The following ZNF138 variants were observed in gnomAD, a reference collection of about 807,000 sequenced individuals.
ZNF138 encodes the protein zinc finger protein 138.
ZNF138 carries 33 observed loss-of-function variants against 33.0 expected under a neutral mutation model. The ratio of observed to expected loss-of-function variants is 1.00; its 90% CI spans 0.76 to 1.34. ZNF138 has a LOEUF of 1.34. Ranked by LOEUF, ZNF138 falls within the 40% of genes most tolerant of loss-of-function variation. ZNF138 has a pLI of 0.00. For missense variants in ZNF138, 360 were observed against 370.8 expected, an observed-to-expected ratio of 0.97 and a Z score of 0.24; for synonymous variants, 139 against 120.4, an observed-to-expected ratio of 1.15 and a Z score of -1.01.
At chr7:64,812,761 C>T (rs1023010395) in intron 1 of ZNF138, among the ~76,000 whole-genome samples, 3 of 151,246 alleles carry the variant, frequency 2.0e-5, no homozygotes, top group Non-Finnish European at 4.4e-5. Context: ...CCTTTAAAGG[C>T]ATAAACTGAA....
At chr7:64,827,488 T>C (rs1443736090) in intron 3 of ZNF138, among the ~76,000 whole-genome samples, 2 of 151,110 alleles carry the variant, frequency 1.3e-5, no homozygotes. Flanking sequence ...TCGTGATCCA[T>C]CCGCCTCGGC....
rs4483043 is a variant in ZNF138, at chr7:64,830,955, T to G, written c.209-496T>G. On this transcript the variant is annotated intron_variant, in intron 3 of 3. Transcript: ENST00000307355. ...CTCTTTGCAGCTGTAGCATTTACCTTTGATCTCAGTGGACTCAACATTTTG... is the reference window on the plus strand; with the variant it reads ...CTCTTTGCAGCTGTAGCATTTACCTGTGATCTCAGTGGACTCAACATTTTG... 4,259 of 1,551,474 alleles carry G rather than the reference T, an allele frequency of 2.7e-3. 68 individuals are homozygous for G. In the African/African-American group the frequency reaches 0.038, roughly 14 times the overall value.
chr7:64,795,295 C>A (rs990428642), intron 1 of ZNF138, among the ~76,000 whole-genome samples: 6 of 152,128 alleles, frequency 3.9e-5, no homozygotes, highest in African/African-American at 1.2e-4. Flanking sequence ...CTGGAGCGAC[C>A]TCAGTCTAAT....
At chr7:64,837,834 C>A (rs1223816397), downstream of ZNF138, among the ~76,000 whole-genome samples, 1 of 152,050 alleles carries the variant, frequency 6.6e-6, no homozygotes, top group Non-Finnish European at 1.5e-5. Context: ...CAGGCTTTAA[C>A]CTAACCTGAG....
At chr7:64,838,735 G>A in the ZNF138 span, among the ~76,000 whole-genome samples, 1 of 152,168 alleles carries the variant, frequency 6.6e-6, no homozygotes, top group Non-Finnish European at 1.5e-5. Flanking sequence ...GACTGGTATG[G>A]CACTACAGGG....
At chr7:64,837,108 A>G (rs1265545527), downstream of ZNF138, among the ~76,000 whole-genome samples, 2 of 152,164 alleles carry the variant, frequency 1.3e-5, no homozygotes, top group South Asian at 2.1e-4. Context: ...AGCCTGTCAC[A>G]TGGAGAATTC....
the ZNF138 span, among the ~76,000 whole-genome samples, chr7:64,843,984 C>G: frequency 6.6e-6 from 1 of 152,192 alleles, no homozygotes; most frequent in East Asian, 1.9e-4. Flanking sequence ...CCACCATGCC[C>G]AGCTAATTTT....
chr7:64,830,909 C>T lies in ZNF138; in HGVS notation c.209-542C>T, dbSNP rs1386878954. On this transcript the variant is annotated intron_variant, in intron 3 of 3. Transcript: ENST00000307355. The stretch of plus-strand genomic sequence containing the variant: ...GTTTCATCTTAATAGTCAGTAGTCA[C>T]TTGCTACAACTGTTCCCTGTCTCTT... The T allele has an allele frequency of 5.2e-6, 8 of 1,533,056 alleles. No homozygotes were observed. In the East Asian group the frequency reaches 2.0e-4, roughly 38 times the overall value. The allele number at this position is 1,533,056 out of a possible 1,614,324, so 95.0% of individuals were successfully genotyped here.
chr7:64,845,718 T>A, the ZNF138 span, among the ~76,000 whole-genome samples: 6 of 152,268 alleles, frequency 3.9e-5, no homozygotes, highest in Non-Finnish European at 2.9e-5. Flanking sequence ...GCCATTTTTA[T>A]ATCTTCTTTT....
intron 3 of ZNF138, among the ~76,000 whole-genome samples, chr7:64,818,473 C>T (rs547030630): frequency 8.4e-4 from 127 of 151,918 alleles, no homozygotes; most frequent in Admixed American, 2.5e-3. Context: ...CTTGTTGAGC[C>T]GGATGTGGTG....
the ZNF138 span, among the ~76,000 whole-genome samples, chr7:64,850,964 A>G: frequency 3.3e-5 from 5 of 152,270 alleles, no homozygotes; most frequent in East Asian, 9.6e-4. Flanking sequence ...AAAAATATAT[A>G]TATTAATAGC....
Position 64,832,109 on chromosome 7 carries a change from GC to G in ZNF138, c.868del (p.Gln290SerfsTer10). On this transcript the variant is annotated frameshift_variant, in exon 4 of 4. Transcript: ENST00000307355. LOFTEE classifies it high-confidence loss of function. ...KCEQCGKVFKQSPTLTKHQII... is the reference protein window; with the variant it reads ...KCEQCGKVFKXSPTLTKHQII... ...GTGAACAATGTGGCAAGGTCTTTAA[GC>G]AGTCCCCAACCCTTACTAAACATCA... is the stretch of plus-strand genomic sequence containing the variant. 6.2e-7 allele frequency: 1 copy of G among 1,613,360 alleles called. No homozygotes were observed.
At position 64,832,018 on chromosome 7, in the gene ZNF138, C is replaced by T. The variant is rs773091415; in HGVS notation, c.776C>T (p.Ala259Val). Residue 259 changes from alanine (A) to valine (V), a missense_variant, in exon 4 of 4, where the codon GCC becomes GTC. By Grantham distance (64) the Ala-to-Val change is moderately conservative. Coordinates refer to ENST00000307355, the MANE Select transcript of ZNF138 (RefSeq NM_001271639.2). Reference protein sequence around the residue: ...KPYKCAHCGKAFKQSSHLTRH... With the variant: ...KPYKCAHCGKVFKQSSHLTRH... ...TATAAATGTGCACACTGTGGCAAAG[C>T]CTTTAAACAGTCCTCACACCTTACT... The T allele has an allele frequency of 2.7e-5, 44 of 1,613,690 alleles. 1 individual carries two copies. Among genetic ancestry groups the T allele is most frequent in the Admixed American group, 8.3e-5 (5 of 59,974 alleles).
At chr7:64,822,590 T>G (rs1789258191) in intron 3 of ZNF138, among the ~76,000 whole-genome samples, 1 of 148,414 alleles carries the variant, frequency 6.7e-6, no homozygotes, top group South Asian at 2.1e-4. Context: ...GGAAGATCAT[T>G]TGATCATATA....
At chr7:64,839,347 T>C in the ZNF138 span, among the ~76,000 whole-genome samples, 2 of 152,174 alleles carry the variant, frequency 1.3e-5, no homozygotes, top group Admixed American at 6.5e-5. Flanking sequence ...GTGGACCCCA[T>C]CCTCTTCCCT....
At chr7:64,800,764 T>A (rs1301035441) in intron 1 of ZNF138, among the ~76,000 whole-genome samples, 1 of 152,148 alleles carries the variant, frequency 6.6e-6, no homozygotes, top group Non-Finnish European at 1.5e-5. Flanking sequence ...TGGTACCAGC[T>A]CTTTTTTTTA....
the ZNF138 span, among the ~76,000 whole-genome samples, chr7:64,840,386 G>T: frequency 6.6e-6 from 1 of 152,004 alleles, no homozygotes; most frequent in Non-Finnish European, 1.5e-5. Flanking sequence ...ATAAATTAAT[G>T]AATATCGTTC....
At chr7:64,852,338 TGA>T in the ZNF138 span, 4 of 1,127,272 alleles carry the variant, frequency 3.5e-6, no homozygotes, top group Admixed American at 8.5e-5. Context: ...ATTGAAGCGA[TGA>T]TAAAGGAAAT....
At chr7:64,845,856 C>T in the ZNF138 span, among the ~76,000 whole-genome samples, 15 of 152,028 alleles carry the variant, frequency 9.9e-5, no homozygotes, top group African/African-American at 3.4e-4. Context: ...TGAAAATTTC[C>T]TCCCACTCTG....
Sources: allele counts gnomAD v4.1 joint callset (sites outside exome capture counted in the v4.1 genomes callset), GRCh38; gene constraint gnomAD v4.1.1; transcripts MANE v1.5; gene names NCBI Gene and HGNC (gene_info 2026-07-23, HGNC 2026-07-21).